The following DCAKD variants were observed in gnomAD, a reference collection of about 807,000 sequenced individuals.
The protein encoded by DCAKD is dephospho-CoA kinase domain containing.
A neutral mutation model predicts 18.7 loss-of-function variants in DCAKD; 15 were observed. The ratio of observed to expected loss-of-function variants is 0.80; its 90% CI spans 0.54 to 1.24. The LOEUF (loss-of-function observed/expected upper bound fraction) is 1.24. DCAKD is among the 50% of genes most tolerant of loss of function. The pLI is 0.00. For missense variants in DCAKD, 301 were observed against 322.0 expected (o/e 0.93, Z 0.50); for synonymous variants, 130 against 133.0 (o/e 0.98, Z 0.16).
intron 1 of DCAKD, among the ~76,000 whole-genome samples, chr17:45,040,328 G>A (rs866605306): frequency 8.6e-5 from 13 of 150,880 alleles, no homozygotes; most frequent in African/African-American, 2.2e-4. Flanking sequence ...CGGAGGTTGC[G>A]GTGAGCCTAG....
intron 1 of DCAKD, among the ~76,000 whole-genome samples, chr17:45,044,673 CAG>C (rs58680098): frequency 1.3e-5 from 2 of 150,112 alleles, no homozygotes; most frequent in Non-Finnish European, 3.0e-5. Context: ...GCCTGGGAGA[CAG>C]AGAGAGACTC....
intron 3 of DCAKD, chr17:45,031,472 A>G (rs888096889): frequency 8.3e-6 from 8 of 960,906 alleles, no homozygotes; most frequent in Non-Finnish European, 9.9e-6. Context: ...GGTAAAGATG[A>G]AATGAGCCTT....
rs754662396 is a variant in DCAKD, at chr17:45,024,592, C to T, written c.537G>A (p.Ser179=). The change falls in exon 5 of 5, where the codon TCG becomes TCA. Residue 179 remains serine, a synonymous_variant. Transcript: ENST00000651974. ...GGCGTTTGGTGACACTCCACTCGCC[C>T]GAGTTGTCTAGGACATGGCGGGCCA... ...ARMARHVLDN[S]GEWSVTKRQV... 7.3e-5 allele frequency: 118 copies of T among 1,614,004 alleles called. No individual in the cohort carries two copies. Among genetic ancestry groups the T allele is most frequent in the Non-Finnish European group, 9.6e-5 (113 of 1,180,028 alleles).
At chr17:45,055,083 G>A (rs185200998), upstream of DCAKD, among the ~76,000 whole-genome samples, 1 of 152,196 alleles carries the variant, frequency 6.6e-6, no homozygotes, top group African/African-American at 2.4e-5. Context: ...AATGAAACTT[G>A]GGCTTTGGAG....
intron 1 of DCAKD, among the ~76,000 whole-genome samples, chr17:45,057,895 C>T (rs2053802251): frequency 6.7e-6 from 1 of 149,360 alleles, no homozygotes. Context: ...CCTGTAATCC[C>T]AGCTACTTGG....
intron 1 of DCAKD, among the ~76,000 whole-genome samples, chr17:45,059,558 G>A (rs569646174): frequency 1.3e-5 from 2 of 152,244 alleles, no homozygotes; most frequent in Non-Finnish European, 2.9e-5. Context: ...ATTCAATCAA[G>A]GTTAAAAACA....
chr17:45,056,744 G>C (rs1283715243), intron 1 of DCAKD, among the ~76,000 whole-genome samples: 1 of 151,910 alleles, frequency 6.6e-6, no homozygotes, highest in African/African-American at 2.4e-5. Context: ...CAAAGTGCTG[G>C]GATTATAGGC....
chr17:45,044,489 C>T (rs975041783), intron 1 of DCAKD, among the ~76,000 whole-genome samples: 3 of 152,018 alleles, frequency 2.0e-5, no homozygotes, highest in Non-Finnish European at 4.4e-5. Flanking sequence ...GTCAGGAGTT[C>T]GGGACCAGCC....
chr17:45,034,054 G>A (rs1241227133), intron 3 of DCAKD, 133 bp downstream of exon 3: 7 of 1,598,094 alleles, frequency 4.4e-6, no homozygotes, highest in Non-Finnish European at 5.9e-6. Context: ...TGTGTGGAGG[G>A]GATGCCAGTA....
At chr17:45,040,153 C>A (rs1156245846) in intron 1 of DCAKD, among the ~76,000 whole-genome samples, 1 of 151,482 alleles carries the variant, frequency 6.6e-6, no homozygotes, top group African/African-American at 2.4e-5. Context: ...TTTGGGAGGC[C>A]AAGGCGGGAG....
At chr17:45,035,235 C>T (rs1597955385) in intron 1 of DCAKD, 1 of 219,592 alleles carries the variant, frequency 4.6e-6, no homozygotes, top group South Asian at 5.8e-5. Flanking sequence ...AATCCCAGCA[C>T]TTTGGGAGGC....
intron 3 of DCAKD, chr17:45,031,068 G>C (rs1313594786): frequency 4.1e-6 from 4 of 985,372 alleles, no homozygotes; most frequent in Non-Finnish European, 4.8e-6. Context: ...TAAGAGATAG[G>C]AAAATGCTTC....
Position 45,060,939 on chromosome 17 carries a change from C to T in DCAKD, c.-169G>A, listed in dbSNP as rs923115237. ...CAGCCAATAACGGCTCCCAGCGGCC[C>T]AGGCACTGGCAAGGGCAGGCTGAAA... On this transcript the variant is annotated 5_prime_UTR_variant, in exon 1 of 5. Coordinates refer to the DCAKD transcript ENST00000310604. The T allele has an allele frequency of 9.5e-6, 8 of 842,874 alleles. No individual in the cohort carries two copies. The African/African-American group carries it at 1.1e-4, about 12-fold the overall frequency. 52.2% of individuals were successfully genotyped at this position (842,874 alleles called of 1,614,324 possible). A position where few individuals can be genotyped will look rare whatever the true frequency, so the allele number is the denominator to read the frequency against.
At position 45,034,389 on chromosome 17, in the gene DCAKD, G is replaced by C. The variant is rs150715564; in HGVS notation, c.114C>G (p.Val38=). 1 of 1,613,480 alleles carries C rather than the reference G, an allele frequency of 6.2e-7. No individual in the cohort carries two copies. Among genetic ancestry groups the C allele is most frequent in the African/African-American group, 1.3e-5 (1 of 74,936 alleles). ...GGTGGGCAGGGTATCCTGGCTGCAC[G>C]ACTGTGGCAGGAGGAAGAAGCTGGG... is the stretch of plus-strand genomic sequence containing the variant. ...VIDVDVMARH[V]VQPGYPAHRR... is the part of the protein sequence containing the mutation. The change falls in exon 3 of 5, where the codon GTC becomes GTG. Residue 38 remains valine (V), a splice_region_variant and synonymous_variant. Coordinates refer to ENST00000651974, the MANE Select transcript of DCAKD (RefSeq NM_001288655.2).
At chr17:45,037,550 T>C (rs62065789) in intron 1 of DCAKD, among the ~76,000 whole-genome samples, 23,360 of 150,800 alleles carry the variant, frequency 0.15, 2,047 homozygotes, top group Middle Eastern at 0.22. Flanking sequence ...CCTCCGCCTC[T>C]CAGGTTCAAG....
intron 4 of DCAKD, among the ~76,000 whole-genome samples, chr17:45,027,728 C>T (rs2053083805): frequency 1.3e-5 from 2 of 152,190 alleles, no homozygotes; most frequent in Non-Finnish European, 2.9e-5. Flanking sequence ...TGGCTCATGC[C>T]TGTAATCCCA....
intron 1 of DCAKD, among the ~76,000 whole-genome samples, chr17:45,057,155 C>T (rs543948112): frequency 2.1e-4 from 32 of 152,088 alleles, no homozygotes; most frequent in African/African-American, 6.7e-4. Flanking sequence ...GCGATCCTCC[C>T]ACCTCAGCCT....
rs2053235859 is a variant in DCAKD, at chr17:45,034,219, A to G, written c.284T>C (p.Met95Thr). 6.2e-7 allele frequency: 1 copy of G among 1,612,728 alleles called. No individual in the cohort carries two copies. Among genetic ancestry groups the G allele is most frequent in the African/African-American group, 1.3e-5 (1 of 74,516 alleles). ...AITHPEIRKE[M>T]MKETFKYFLR... is the part of the protein sequence containing the mutation. ...GAAGTACTTGAACGTCTCCTTCATC[A>G]TCTCCTTGCGAATCTCGGGGTGGGT... is the stretch of plus-strand genomic sequence containing the variant. Residue 95 changes from methionine (M) to threonine (T), a missense_variant, in exon 3 of 5, where the codon ATG (methionine) becomes ACG (threonine). Physicochemically the swap from Met to Thr is moderately conservative, Grantham distance 81. Coordinates refer to ENST00000651974, the MANE Select transcript of DCAKD (RefSeq NM_001288655.2).
intron 4 of DCAKD, among the ~76,000 whole-genome samples, chr17:45,025,741 CTTCT>C (rs1567827647): frequency 2.4e-5 from 3 of 126,820 alleles, no homozygotes; most frequent in East Asian, 4.4e-4. Flanking sequence ...ATTTTGGTTC[CTTCT>C]TTTTTTTTTT....
Sources: gnomAD v4.1 joint callset for allele counts (sites outside exome capture counted in the v4.1 genomes callset) on GRCh38, gnomAD v4.1.1 for gene constraint, MANE v1.5 for transcripts, NCBI Gene and HGNC (gene_info 2026-07-23, HGNC 2026-07-21) for gene names.